Variants in TRAPPC12 observed in about 807,000 individuals in gnomAD.
The protein encoded by TRAPPC12 is trafficking protein particle complex subunit 12, also known as TPR repeat protein 15.
TRAPPC12 carries 61 observed loss-of-function variants against 69.2 expected under a neutral mutation model. The ratio of observed to expected loss-of-function variants is 0.88; its 90% confidence interval spans 0.72 to 1.09. TRAPPC12 has a LOEUF of 1.09. Ranked by LOEUF, TRAPPC12 falls within the 50% of genes least tolerant of loss-of-function variation. The probability of loss-of-function intolerance (pLI) is 0.00; values close to 1 mark genes in which losing one functional copy is unlikely to be tolerated. For synonymous variants in TRAPPC12, 469 were observed against 438.9 expected, an observed-to-expected ratio of 1.07 and a Z score of -0.86; for missense variants, 1,101 against 1,016.4, an observed-to-expected ratio of 1.08 and a Z score of -1.13.
chr2:3,411,120 T>C (rs1662031875), intron 3 of TRAPPC12, among the ~76,000 whole-genome samples: 1 of 152,272 alleles, frequency 6.6e-6, no homozygotes, highest in Non-Finnish European at 1.5e-5. Flanking sequence ...CCATATCTAC[T>C]GTATCAAAAT....
intron 8 of TRAPPC12, among the ~76,000 whole-genome samples, 194 bp from the exon 9 acceptor site, chr2:3,465,402 GC>G (rs1665755212): frequency 6.9e-6 from 1 of 145,884 alleles, no homozygotes; most frequent in Admixed American, 6.7e-5. Flanking sequence ...CAGAATCCCG[GC>G]CCGACTGCAG....
chr2:3,421,693 C>G, intron 3 of TRAPPC12, 188 bp from the exon 4 acceptor site: 1 of 717,076 alleles, frequency 1.4e-6, no homozygotes, highest in South Asian at 1.5e-5. Flanking sequence ...CCTAATTACA[C>G]GTGCAGCGTT....
At chr2:3,397,843 A>G (rs909230372) in intron 2 of TRAPPC12, among the ~76,000 whole-genome samples, 2 of 152,170 alleles carry the variant, frequency 1.3e-5, no homozygotes, top group Non-Finnish European at 2.9e-5. Context: ...TACAGTCTCA[A>G]GCTCATCAGC....
At chr2:3,466,494 A>T (rs985629025) in intron 9 of TRAPPC12, 8 of 427,042 alleles carry the variant, frequency 1.9e-5, no homozygotes, top group Admixed American at 2.5e-5. Context: ...ATCCAGCTAC[A>T]GGAGGCCACA....
intron 7 of TRAPPC12, chr2:3,457,971 T>A: frequency 7.7e-7 from 1 of 1,306,362 alleles, no homozygotes; most frequent in Non-Finnish European, 9.7e-7. Flanking sequence ...CCACGCTGAG[T>A]GGTCTGAGTG....
At chr2:3,427,697 C>T (rs1663188842) in intron 5 of TRAPPC12, among the ~76,000 whole-genome samples, 1 of 152,148 alleles carries the variant, frequency 6.6e-6, no homozygotes, top group Non-Finnish European at 1.5e-5. Flanking sequence ...TCGAGACCAG[C>T]CTGGCCAACA....
chr2:3,383,631 TC>T (rs933953547), intron 1 of TRAPPC12, among the ~76,000 whole-genome samples: 11 of 151,658 alleles, frequency 7.3e-5, no homozygotes, highest in African/African-American at 2.7e-4. Flanking sequence ...CATCTTGAAC[TC>T]CTGACCTCGT....
intron 3 of TRAPPC12, among the ~76,000 whole-genome samples, chr2:3,411,362 G>A (rs1360841540): frequency 6.6e-6 from 1 of 152,224 alleles, no homozygotes; most frequent in Non-Finnish European, 1.5e-5. Flanking sequence ...TCAAAGCGCT[G>A]TCTGCATGAG....
chr2:3,465,538 G>C, intron 8 of TRAPPC12, 59 bp from the exon 9 acceptor site: 1 of 1,176,486 alleles, frequency 8.5e-7, no homozygotes, highest in South Asian at 1.2e-5. Context: ...TCTTCTACAC[G>C]TGTGAAACCC....
Position 3,388,497 on chromosome 2 carries a change from G to A in TRAPPC12, c.874G>A (p.Asp292Asn), listed in dbSNP as rs1353916668. The A allele has an allele frequency of 2.5e-6, 4 of 1,612,646 alleles. No individual in the cohort carries two copies. The highest frequency in any genetic ancestry group is 1.3e-5 in the African/African-American group (1 of 74,898). ...CCAGGCAGTGTTTGCAGGGAGTGAC[G>A]ACCCCTTTGCCACCGCCCTGAGCAT... Reference protein sequence around the residue: ...HIQAVFAGSDDPFATALSMSE... With the variant: ...HIQAVFAGSDNPFATALSMSE... Residue 292 changes from aspartate (D) to asparagine (N), a missense_variant, in exon 2 of 12, where the codon GAC becomes AAC. Transcript: ENST00000324266.
intron 2 of TRAPPC12, 70 bp downstream of exon 2, chr2:3,388,740 C>A: frequency 7.2e-7 from 1 of 1,396,508 alleles, no homozygotes; most frequent in Non-Finnish European, 9.5e-7. Flanking sequence ...CACAGTGCCC[C>A]TTTAGGGATG....
intron 7 of TRAPPC12, chr2:3,458,458 G>A (rs993918795): frequency 3.1e-5 from 31 of 986,178 alleles, no homozygotes; most frequent in Middle Eastern, 5.2e-4. Context: ...CTCCGTTTCC[G>A]CAGGTGTGCT....
chr2:3,456,686 C>G (rs138733816), intron 6 of TRAPPC12: 1,975 of 190,778 alleles, frequency 0.01, 38 homozygotes, highest in East Asian at 0.07. Context: ...TCAGGTGATC[C>G]TCCCACCTCA....
chr2:3,425,052 C>T (rs185099426), intron 5 of TRAPPC12, among the ~76,000 whole-genome samples: 2 of 152,216 alleles, frequency 1.3e-5, no homozygotes, highest in African/African-American at 2.4e-5. Context: ...TGGCACACGC[C>T]GTGACATTTT....
intron 1 of TRAPPC12, among the ~76,000 whole-genome samples, chr2:3,380,900 G>T (rs958751711): frequency 6.6e-6 from 1 of 152,196 alleles, no homozygotes; most frequent in Non-Finnish European, 1.5e-5. Flanking sequence ...AAAAGATCAA[G>T]ATTTTCAGAG....
At chr2:3,433,709 G>C (rs1663591725) in intron 5 of TRAPPC12, among the ~76,000 whole-genome samples, 1 of 152,202 alleles carries the variant, frequency 6.6e-6, no homozygotes, top group South Asian at 2.1e-4. Flanking sequence ...GGGACGGTCT[G>C]AAATAAATTT....
chr2:3,475,856 G>A (rs55983379), intron 9 of TRAPPC12, among the ~76,000 whole-genome samples: 1,970 of 152,328 alleles, frequency 0.013, 48 homozygotes, highest in African/African-American at 0.045. Flanking sequence ...AGGCTGTCGC[G>A]AGGGTCAGGC....
chr2:3,461,911 A>G (rs1360660700), intron 8 of TRAPPC12, among the ~76,000 whole-genome samples: 1 of 152,202 alleles, frequency 6.6e-6, no homozygotes, highest in African/African-American at 2.4e-5. Context: ...CTCCCAAAAC[A>G]GGCCATTCTC....
intron 9 of TRAPPC12, among the ~76,000 whole-genome samples, chr2:3,473,184 G>GA (rs1558410524): frequency 1.3e-5 from 2 of 152,128 alleles, no homozygotes; most frequent in Admixed American, 6.5e-5. Context: ...GAGAGCAGGT[G>GA]AGGGGGGGTC....
Sources: allele counts gnomAD v4.1 joint callset (sites outside exome capture counted in the v4.1 genomes callset), GRCh38; gene constraint gnomAD v4.1.1; transcripts MANE v1.5; gene names NCBI Gene and HGNC (gene_info 2026-07-23, HGNC 2026-07-21).